KCNIP4: variants seen among roughly 807,000 people sequenced by gnomAD.
KCNIP4 encodes Kv channel-interacting protein 4.
KCNIP4 carries 12 observed loss-of-function variants against 34.0 expected under a neutral mutation model. The observed-to-expected ratio is 0.35, with a 90% confidence interval of 0.23 to 0.57. The LOEUF (loss-of-function observed/expected upper bound fraction) is 0.57. KCNIP4 is among the 20% of genes least tolerant of loss of function. KCNIP4 has a pLI of 0.83. For synonymous variants in KCNIP4, 124 were observed against 102.2 expected (o/e 1.21, Z -1.29); for missense variants, 238 against 311.7 (o/e 0.76, Z 1.78).
At chr4:21,242,345 C>G (rs559797748) in intron 1 of KCNIP4, among the ~76,000 whole-genome samples, 1 of 152,014 alleles carries the variant, frequency 6.6e-6, no homozygotes, top group Non-Finnish European at 1.5e-5. Flanking sequence ...AAACACTGCA[C>G]TTAGTTAAGA....
intron 1 of KCNIP4, among the ~76,000 whole-genome samples, chr4:21,634,540 G>GTTCACT (rs1560579768): frequency 3.3e-5 from 5 of 152,078 alleles, no homozygotes; most frequent in Middle Eastern, 6.8e-3. Context: ...ACTACCTCAA[G>GTTCACT]GCCACAGTGA....
intron 1 of KCNIP4, among the ~76,000 whole-genome samples, chr4:21,598,211 A>G (rs1742810380): frequency 6.6e-6 from 1 of 152,108 alleles, no homozygotes; most frequent in African/African-American, 2.4e-5. Flanking sequence ...TTGATTTTAT[A>G]CCCATTTTAG....
chr4:21,074,914 G>A (rs993698550), intron 1 of KCNIP4, among the ~76,000 whole-genome samples: 14 of 152,160 alleles, frequency 9.2e-5, no homozygotes, highest in South Asian at 2.1e-4. Context: ...TCATTCAGGA[G>A]CAGGTTGTTC....
intron 1 of KCNIP4, among the ~76,000 whole-genome samples, chr4:21,123,595 T>C (rs901518442): frequency 7.9e-5 from 12 of 152,310 alleles, no homozygotes; most frequent in Middle Eastern, 3.4e-3. Context: ...TTTAATTTAT[T>C]AAAATAATGA....
At chr4:21,715,703 G>A (rs1457667044) in intron 1 of KCNIP4, among the ~76,000 whole-genome samples, 1 of 152,100 alleles carries the variant, frequency 6.6e-6, no homozygotes, top group Non-Finnish European at 1.5e-5. Flanking sequence ...AATTATATCT[G>A]CTCTAAAAAT....
At position 20,859,025 on chromosome 4, in the gene KCNIP4, T is replaced by G. The variant is rs74908318; in HGVS notation, c.164-8358A>C. Among the ~76,000 whole-genome samples the G allele has an allele frequency of 6.4e-3, 969 of 152,294 alleles. 56 individuals are homozygous for G. The East Asian group carries it at 0.15, about 24-fold the overall frequency. Reference sequence around the variant, plus strand: ...AATTAAATTACTTTGTTCAAAATCCTAGGGGATAAAAGATTTTAAATCACA... The same window carrying G: ...AATTAAATTACTTTGTTCAAAATCCGAGGGGATAAAAGATTTTAAATCACA... On this transcript the variant is annotated intron_variant, in intron 2 of 8. Transcript: ENST00000382152.
At chr4:21,909,404 T>A (rs909300884) in intron 1 of KCNIP4, among the ~76,000 whole-genome samples, 2 of 152,066 alleles carry the variant, frequency 1.3e-5, no homozygotes, top group Admixed American at 6.6e-5. Context: ...TCACCTTGTC[T>A]TACACATCAC....
chr4:21,088,791 C>T (rs1746704664), intron 1 of KCNIP4, among the ~76,000 whole-genome samples: 1 of 152,094 alleles, frequency 6.6e-6, no homozygotes. Context: ...TCCCCCCGCC[C>T]ATATCAAACT....
At chr4:20,894,367 T>C (rs893426213) in intron 1 of KCNIP4, among the ~76,000 whole-genome samples, 2 of 152,236 alleles carry the variant, frequency 1.3e-5, no homozygotes, top group Non-Finnish European at 2.9e-5. Flanking sequence ...GTGTCCATTA[T>C]ACAATGAATC....
At chr4:21,312,329 G>C (rs1713275950) in intron 1 of KCNIP4, among the ~76,000 whole-genome samples, 1 of 152,150 alleles carries the variant, frequency 6.6e-6, no homozygotes, top group Non-Finnish European at 1.5e-5. Context: ...CCCTAAAAAG[G>C]AATCCTCAGA....
At chr4:21,150,622 C>T (rs890996853) in intron 1 of KCNIP4, among the ~76,000 whole-genome samples, 1 of 152,142 alleles carries the variant, frequency 6.6e-6, no homozygotes, top group Non-Finnish European at 1.5e-5. Flanking sequence ...CAACATGGCT[C>T]AAGTGGTTAT....
intron 3 of KCNIP4, among the ~76,000 whole-genome samples, chr4:20,846,474 G>A (rs1720391463): frequency 6.6e-6 from 1 of 152,110 alleles, no homozygotes; most frequent in African/African-American, 2.4e-5. Context: ...ATTGATATTT[G>A]TGTGACCTTT....
At chr4:20,918,874 T>G (rs1729108906) in intron 1 of KCNIP4, among the ~76,000 whole-genome samples, 1 of 152,202 alleles carries the variant, frequency 6.6e-6, no homozygotes, top group Non-Finnish European at 1.5e-5. Flanking sequence ...AGCAAAAATG[T>G]CAATGGCAAG....
At chr4:21,031,462 C>A (rs1741018772) in intron 1 of KCNIP4, among the ~76,000 whole-genome samples, 1 of 152,172 alleles carries the variant, frequency 6.6e-6, no homozygotes, top group African/African-American at 2.4e-5. Flanking sequence ...TGATTGCTAT[C>A]TTTTACCTTT....
chr4:21,267,543 G>A (rs1179180344), intron 1 of KCNIP4, among the ~76,000 whole-genome samples: 1 of 150,176 alleles, frequency 6.7e-6, no homozygotes, highest in Non-Finnish European at 1.5e-5. Context: ...AATTTATTGA[G>A]AGTTTTTAGC....
intron 1 of KCNIP4, among the ~76,000 whole-genome samples, chr4:21,422,963 C>T (rs1292110098): frequency 1.3e-5 from 2 of 152,122 alleles, no homozygotes; most frequent in Non-Finnish European, 2.9e-5. Flanking sequence ...ATATCTAGAA[C>T]CTTAGACTTC....
At chr4:21,135,725 C>G (rs1751449544) in intron 1 of KCNIP4, among the ~76,000 whole-genome samples, 2 of 152,150 alleles carry the variant, frequency 1.3e-5, no homozygotes, top group Non-Finnish European at 1.5e-5. Context: ...CCTTCATGAG[C>G]AGCACAAAGG....
chr4:21,320,627 A>T (rs1714273902), intron 1 of KCNIP4, among the ~76,000 whole-genome samples: 2 of 152,088 alleles, frequency 1.3e-5, no homozygotes, highest in South Asian at 4.1e-4. Flanking sequence ...TTACCCTGTG[A>T]GCTTTGCTTG....
rs75407148 is a variant in KCNIP4, at chr4:21,187,429, G to A, written c.62-304720C>T. Among the ~76,000 whole-genome samples the A allele has an allele frequency of 1.6e-3, 238 of 152,302 alleles. 5 individuals carry two copies. The East Asian group carries it at 0.038, about 24-fold the overall frequency. On this transcript the variant is annotated intron_variant, in intron 1 of 8. Coordinates refer to ENST00000382152, the MANE Select transcript of KCNIP4 (RefSeq NM_025221.6). ...TCCAAACACTGCGGCAAATTGTAAAGTGCTGTAACCTCTAAGAGTGAGACC... is the reference window on the plus strand; with the variant it reads ...TCCAAACACTGCGGCAAATTGTAAAATGCTGTAACCTCTAAGAGTGAGACC...
Sources: allele counts gnomAD v4.1 joint callset (sites outside exome capture counted in the v4.1 genomes callset), GRCh38; gene constraint gnomAD v4.1.1; transcripts MANE v1.5; gene names NCBI Gene and HGNC (gene_info 2026-07-23, HGNC 2026-07-21).